Variants in PRRG1 observed in about 807,000 individuals in gnomAD.
PRRG1 encodes transmembrane gamma-carboxyglutamic acid protein 1.
In PRRG1, 5 loss-of-function variants were observed where a neutral mutation model predicts 11.8. The observed-to-expected ratio is 0.42, with a 90% CI of 0.22 to 0.89. The LOEUF (loss-of-function observed/expected upper bound fraction) is 0.89. Ranked by LOEUF, PRRG1 falls within the 40% of genes least tolerant of loss-of-function variation. PRRG1 has a pLI of 0.28. For synonymous variants in PRRG1, 66 were observed against 60.4 expected (o/e 1.09, Z -0.43); for missense variants, 155 against 166.1 (o/e 0.93, Z 0.37).
At chrX:37,442,244 C>T (rs1186341134) in intron 3 of PRRG1, 17 of 746,744 alleles carry the variant, frequency 2.3e-5, no homozygotes, top group Non-Finnish European at 2.0e-5. Context: ...CCAGTTGATG[C>T]GTGCCTACAA....
chrX:37,358,307 A>G (rs972982550), intron 1 of PRRG1, among the ~76,000 whole-genome samples: 5 of 111,739 alleles, frequency 4.5e-5, no homozygotes. Context: ...TTATAACTAA[A>G]ACTCATTACC....
chrX:37,365,679 A>T (rs782632393), intron 1 of PRRG1, among the ~76,000 whole-genome samples: 3 of 112,356 alleles, frequency 2.7e-5, no homozygotes, highest in Non-Finnish European at 5.6e-5. Context: ...CTTATTTTAT[A>T]GCTTATGTTC....
intron 2 of PRRG1, among the ~76,000 whole-genome samples, chrX:37,424,749 C>T (rs2146605809): frequency 9.1e-6 from 1 of 110,430 alleles, no homozygotes; most frequent in East Asian, 2.9e-4. Flanking sequence ...TTAAAGAATC[C>T]TAAATAATGA....
intron 3 of PRRG1, among the ~76,000 whole-genome samples, chrX:37,433,475 C>A (rs1057454433): frequency 9.0e-6 from 1 of 110,513 alleles, no homozygotes; most frequent in Non-Finnish European, 1.9e-5. Context: ...AGTTCATTTT[C>A]ACAGTGAGAA....
At chrX:37,396,012 T>A (rs1171226391) in intron 1 of PRRG1, among the ~76,000 whole-genome samples, 1 of 111,842 alleles carries the variant, frequency 8.9e-6, no homozygotes, top group Non-Finnish European at 1.9e-5. Flanking sequence ...TAAAACATAG[T>A]GTCCACTTTG....
intron 2 of PRRG1, among the ~76,000 whole-genome samples, chrX:37,411,972 A>T (rs1439593402): frequency 9.0e-6 from 1 of 111,172 alleles, no homozygotes; most frequent in South Asian, 3.8e-4. Flanking sequence ...CTCTTCCAGT[A>T]TTTAGTCTTT....
chrX:37,398,569 A>G (rs1931810389), intron 1 of PRRG1, among the ~76,000 whole-genome samples: 2 of 112,439 alleles, frequency 1.8e-5, no homozygotes, highest in African/African-American at 6.5e-5. Context: ...TAAAAAGCAG[A>G]GCGCCTTTCC....
intron 2 of PRRG1, among the ~76,000 whole-genome samples, chrX:37,408,694 G>A (rs5917577): frequency 0.2 from 22,156 of 110,917 alleles, 2,524 homozygotes; most frequent in African/African-American, 0.44. Context: ...AACTTCCCAA[G>A]GACCCCCTTT....
chrX:37,390,585 A>G (rs1299071650), intron 1 of PRRG1, among the ~76,000 whole-genome samples: 1 of 112,159 alleles, frequency 8.9e-6, no homozygotes, highest in Admixed American at 9.4e-5. Context: ...AAATCAGGCT[A>G]GTGATTCCTA....
chrX:37,390,143 C>G (rs1931475448), intron 1 of PRRG1, among the ~76,000 whole-genome samples: 1 of 111,447 alleles, frequency 9.0e-6, no homozygotes, highest in Non-Finnish European at 1.9e-5. Flanking sequence ...TTGCTGTGTC[C>G]TCACATGGCA....
At chrX:37,396,785 C>G (rs1556378295) in intron 1 of PRRG1, among the ~76,000 whole-genome samples, 1 of 109,794 alleles carries the variant, frequency 9.1e-6, no homozygotes, top group African/African-American at 3.3e-5. Context: ...ATTTTTTTCT[C>G]TAAGGCAGGG....
At chrX:37,419,361 G>T (rs1556386222) in intron 2 of PRRG1, among the ~76,000 whole-genome samples, 1 of 111,449 alleles carries the variant, frequency 9.0e-6, no homozygotes, top group African/African-American at 3.3e-5. Context: ...ATGGCAAAGG[G>T]TATTTCCTCA....
intron 1 of PRRG1, among the ~76,000 whole-genome samples, chrX:37,404,824 C>T (rs782270495): frequency 8.9e-6 from 1 of 111,826 alleles, no homozygotes; most frequent in South Asian, 3.7e-4. Flanking sequence ...AATCCAGCCC[C>T]CTTGACTTCT....
intron 1 of PRRG1, among the ~76,000 whole-genome samples, chrX:37,385,695 A>G (rs1931301746): frequency 9.1e-6 from 1 of 109,835 alleles, no homozygotes; most frequent in South Asian, 3.9e-4. Context: ...ATCAAGATGT[A>G]GGCTGGGGCT....
chrX:37,418,637 C>T (rs1390039322), intron 2 of PRRG1, among the ~76,000 whole-genome samples: 1 of 111,786 alleles, frequency 8.9e-6, no homozygotes, highest in Non-Finnish European at 1.9e-5. Flanking sequence ...TGAACATCAT[C>T]CTGAACATCA....
intron 3 of PRRG1, among the ~76,000 whole-genome samples, chrX:37,451,167 C>T (rs956451239): frequency 4.5e-5 from 5 of 111,366 alleles, no homozygotes; most frequent in South Asian, 3.8e-4. Context: ...TACAGGCATG[C>T]GCCACCACGC....
intron 2 of PRRG1, among the ~76,000 whole-genome samples, chrX:37,424,656 T>TA (rs1446861738): frequency 8.2e-5 from 9 of 109,165 alleles, no homozygotes; most frequent in Non-Finnish European, 1.7e-4. Context: ...CTTTATGAGG[T>TA]ACAGAAGGAA....
At position 37,390,490 on chromosome X, in the gene PRRG1, G is replaced by A. The variant is rs1931486520; in HGVS notation, c.-41-15719G>A. Reference sequence around the variant, plus strand: ...ATGAATCTCACAAACAAGATACTAAGCAGAAGCCAAAAAGATCTAAAAGCA... The same window carrying A: ...ATGAATCTCACAAACAAGATACTAAACAGAAGCCAAAAAGATCTAAAAGCA... On this transcript the variant is annotated intron_variant, in intron 1 of 3. Transcript: ENST00000378628. 2.7e-5 allele frequency among the ~76,000 whole-genome samples: 3 copies of A among 111,755 alleles called. No homozygotes were observed. The Admixed American group carries it at 2.8e-4, about 11-fold the overall frequency.
At chrX:37,351,091 A>G (rs1930045786) in intron 1 of PRRG1, among the ~76,000 whole-genome samples, 1 of 111,323 alleles carries the variant, frequency 9.0e-6, no homozygotes, top group Admixed American at 9.6e-5. Flanking sequence ...CTCCATTACT[A>G]CTAGAACCTC....
Sources: gnomAD v4.1 joint callset for allele counts (sites outside exome capture counted in the v4.1 genomes callset) on GRCh38, gnomAD v4.1.1 for gene constraint, MANE v1.5 for transcripts, NCBI Gene and HGNC (gene_info 2026-07-23, HGNC 2026-07-21) for gene names.